The following LMX1A variants were observed in gnomAD, a reference collection of about 807,000 sequenced individuals.
The protein encoded by LMX1A is LIM homeobox transcription factor 1 alpha.
Under a neutral mutation model 49.1 loss-of-function variants are expected in LMX1A, and 15 were observed. That is an observed-to-expected ratio of 0.31 (90% CI 0.20 to 0.47). LMX1A has a LOEUF of 0.47. LMX1A is among the 20% of genes least tolerant of loss of function. The pLI is 1.00. For missense variants in LMX1A, 372 were observed against 475.8 expected, an observed-to-expected ratio of 0.78 and a Z score of 2.03; for synonymous variants, 167 against 185.7, an observed-to-expected ratio of 0.90 and a Z score of 0.82.
intron 5 of LMX1A, chr1:165,213,292 C>G (rs1448707578): frequency 5.1e-6 from 1 of 197,864 alleles, no homozygotes; most frequent in African/African-American, 2.3e-5. Context: ...AAAAAGAGTA[C>G]TGCAAGCCAC....
At chr1:165,269,446 T>C (rs1054063311) in intron 3 of LMX1A, among the ~76,000 whole-genome samples, 3 of 152,214 alleles carry the variant, frequency 2.0e-5, no homozygotes, top group African/African-American at 7.2e-5. Flanking sequence ...CCTGTGATGA[T>C]GAAAATGTCT....
intron 3 of LMX1A, among the ~76,000 whole-genome samples, chr1:165,271,252 A>G (rs1653784117): frequency 6.6e-6 from 1 of 152,210 alleles, no homozygotes; most frequent in African/African-American, 2.4e-5. Context: ...TCTTTCCTTC[A>G]TACTTTGGAC....
chr1:165,308,282 T>C (rs191747010), intron 3 of LMX1A, among the ~76,000 whole-genome samples: 1 of 152,318 alleles, frequency 6.6e-6, no homozygotes. Context: ...GGAGAGCCGA[T>C]AACACCTTCC....
intron 3 of LMX1A, among the ~76,000 whole-genome samples, chr1:165,266,802 C>G (rs1256797571): frequency 6.6e-6 from 1 of 151,844 alleles, no homozygotes; most frequent in Non-Finnish European, 1.5e-5. Flanking sequence ...AGGGTTTCAC[C>G]GCGTTAGCCA....
chr1:165,343,995 C>T (rs1656161452), intron 3 of LMX1A, among the ~76,000 whole-genome samples: 1 of 152,246 alleles, frequency 6.6e-6, no homozygotes, highest in Non-Finnish European at 1.5e-5. Flanking sequence ...TAAGAGCCAA[C>T]TCTAGCCTGC....
At chr1:165,221,141 TCTCC>T (rs1651826710) in intron 4 of LMX1A, among the ~76,000 whole-genome samples, 1 of 151,948 alleles carries the variant, frequency 6.6e-6, no homozygotes, top group Admixed American at 6.6e-5. Context: ...AACCCCTATC[TCTCC>T]CTACCTGCTT....
intron 3 of LMX1A, among the ~76,000 whole-genome samples, chr1:165,327,939 G>C (rs190668823): frequency 2.0e-5 from 3 of 152,322 alleles, no homozygotes. Flanking sequence ...CCACCACCTC[G>C]ACTTAGAGAG....
chr1:165,204,008 C>T lies in LMX1A; in HGVS notation c.1021G>A (p.Asp341Asn), dbSNP rs774603130. ...AEPLFHDLDS[D>N]DTSLSNLGDC... is the part of the protein sequence containing the mutation. ...CCCAGGTTACTGAGGGAGGTGTCGT[C>T]GCTATCCAGGTCATGGAAAAGGGGC... The change falls in exon 9 of 9, where the codon GAC becomes AAC. Residue 341 changes from aspartate (D) to asparagine (N), a missense_variant. Physicochemically the swap from Asp to Asn is conservative, Grantham distance 23. This residue lies in a region of LMX1A where 127 missense variants were observed against 138.0 expected (regional missense o/e 0.92). Coordinates refer to ENST00000342310, the MANE Select transcript of LMX1A (RefSeq NM_177398.4). The T allele has an allele frequency of 2.3e-5, 37 of 1,613,972 alleles. No homozygotes were observed. The highest frequency in any genetic ancestry group is 2.8e-5 in the Non-Finnish European group (33 of 1,180,044).
At position 165,312,258 on chromosome 1, in the gene LMX1A, T is replaced by C. The variant is rs1467018472; in HGVS notation, c.263+40818A>G. Among the ~76,000 whole-genome samples the C allele has an allele frequency of 2.0e-5, 3 of 152,220 alleles. No homozygotes were observed. The East Asian group carries it at 5.8e-4, about 29-fold the overall frequency. Reference sequence around the variant, plus strand: ...TTAGCAAAAGAGCAGTATGGTATGATAGGCACAGTACAGTCTGGGAAATCA... The same window carrying C: ...TTAGCAAAAGAGCAGTATGGTATGACAGGCACAGTACAGTCTGGGAAATCA... On this transcript the variant is annotated intron_variant, in intron 3 of 8. Coordinates refer to ENST00000342310, the MANE Select transcript of LMX1A (RefSeq NM_177398.4).
intron 4 of LMX1A, among the ~76,000 whole-genome samples, chr1:165,235,688 G>A (rs1009658132): frequency 2.6e-5 from 4 of 152,118 alleles, no homozygotes; most frequent in African/African-American, 9.7e-5. Context: ...CGCCCGCGCG[G>A]GGCTTTGCTC....
At chr1:165,347,624 T>C (rs981753270) in intron 3 of LMX1A, among the ~76,000 whole-genome samples, 1 of 152,260 alleles carries the variant, frequency 6.6e-6, no homozygotes, top group Non-Finnish European at 1.5e-5. Flanking sequence ...GGGCAGAAAT[T>C]ATTTTTAAAT....
chr1:165,204,937 T>A (rs931048958), intron 8 of LMX1A, among the ~76,000 whole-genome samples: 2 of 152,072 alleles, frequency 1.3e-5, no homozygotes, highest in Admixed American at 6.5e-5. Flanking sequence ...AAGGGCCAAA[T>A]CTTAATAAAT....
rs1160806962 is a variant in LMX1A, at chr1:165,355,955, T to C, written c.-22-374A>G. On this transcript the variant is annotated intron_variant, in intron 1 of 8. Coordinates refer to ENST00000342310, the MANE Select transcript of LMX1A (RefSeq NM_177398.4). The surrounding 1 kb of genome is among the most constrained non-coding windows in gnomAD (Gnocchi z 4.7). ...GACGTCTCTGCAGGAACGCAGCTAC[T>C]GGGGTATATTGGGTATATAAAGAGT... 4.5e-6 allele frequency: 1 copy of C among 223,580 alleles called. No individual in the cohort carries two copies. Among genetic ancestry groups the C allele is most frequent in the East Asian group, 1.2e-4 (1 of 8,362 alleles). The allele number at this position is 223,580 out of a possible 1,614,324, so 13.8% of individuals were successfully genotyped here. A position where few individuals can be genotyped will look rare whatever the true frequency, so the allele number is the denominator to read the frequency against.
chr1:165,258,878 G>T (rs1437235770), intron 3 of LMX1A, among the ~76,000 whole-genome samples: 1 of 152,176 alleles, frequency 6.6e-6, no homozygotes, highest in African/African-American at 2.4e-5. Context: ...CTATCTTTAA[G>T]AACTTGAGCA....
chr1:165,290,678 C>T (rs1449684205), intron 3 of LMX1A, among the ~76,000 whole-genome samples: 1 of 152,146 alleles, frequency 6.6e-6, no homozygotes, highest in Non-Finnish European at 1.5e-5. Context: ...GATAAAAAGA[C>T]CCTATTGTAC....
chr1:165,342,651 C>G (rs1324561710), intron 3 of LMX1A, among the ~76,000 whole-genome samples: 1 of 152,004 alleles, frequency 6.6e-6, no homozygotes, highest in Non-Finnish European at 1.5e-5. Flanking sequence ...GAGCTGATTT[C>G]TCATACAAAC....
intron 3 of LMX1A, among the ~76,000 whole-genome samples, chr1:165,290,870 CTG>C (rs2101714941): frequency 6.6e-6 from 1 of 152,308 alleles, no homozygotes; most frequent in South Asian, 2.1e-4. Flanking sequence ...ACCCAGCAGT[CTG>C]TGTTTTAACA....
chr1:165,226,801 T>A (rs983074986), intron 4 of LMX1A, among the ~76,000 whole-genome samples: 1 of 152,252 alleles, frequency 6.6e-6, no homozygotes, highest in South Asian at 2.1e-4. Flanking sequence ...AGTTCTTAGT[T>A]ACATAGACAC....
intron 3 of LMX1A, among the ~76,000 whole-genome samples, chr1:165,300,959 G>A (rs1056034317): frequency 6.6e-6 from 1 of 152,156 alleles, no homozygotes; most frequent in Non-Finnish European, 1.5e-5. Context: ...CTGAGGGCCA[G>A]GAGTTTGACA....
Sources: gnomAD v4.1 joint callset for allele counts (sites outside exome capture counted in the v4.1 genomes callset) on GRCh38, gnomAD v4.1.1 for gene constraint, gnomAD v4.1.1 regional missense constraint, Gnocchi (gnomAD v3.1) non-coding constraint, MANE v1.5 for transcripts, NCBI Gene and HGNC (gene_info 2026-07-23, HGNC 2026-07-21) for gene names.